Variants in CPNE3 observed in about 807,000 individuals in gnomAD.
CPNE3 encodes copine 3.
In CPNE3, 68 loss-of-function variants were observed where a neutral mutation model predicts 63.9. The ratio of observed to expected loss-of-function variants is 1.06; its 90% CI spans 0.87 to 1.30. The LOEUF (loss-of-function observed/expected upper bound fraction) is 1.30. Ranked by LOEUF, CPNE3 falls within the 50% of genes most tolerant of loss-of-function variation. CPNE3 has a pLI of 0.00. For synonymous variants in CPNE3, 219 were observed against 197.5 expected (o/e 1.11, Z -0.91); for missense variants, 665 against 578.1 (o/e 1.15, Z -1.54).
chr8:86,528,752 A>C, intron 3 of CPNE3, 75 bp downstream of exon 3: 1 of 1,498,486 alleles, frequency 6.7e-7, no homozygotes. Flanking sequence ...TTTAATGTTA[A>C]AAATAACAAC....
rs1821011870 is a variant in CPNE3, at chr8:86,544,773, C to A, written c.667C>A (p.His223Asn). The change falls in exon 9 of 17, where the codon CAT becomes AAT. Residue 223 changes from histidine to asparagine, a missense_variant. Coordinates refer to ENST00000517490, the MANE Select transcript of CPNE3 (RefSeq NM_003909.5). ...TTATGATTATGACAATGATGGGTCA[C>A]ATGATCTCATTGGAACATTTCAGAC... ...ECYDYDNDGS[H>N]DLIGTFQTTM... 1 of 1,573,562 alleles carries A rather than the reference C, an allele frequency of 6.4e-7. No homozygotes were observed. The highest frequency in any genetic ancestry group is 1.7e-4 in the Middle Eastern group (1 of 5,912).
chr8:86,551,310 G>T (rs1821173235), intron 14 of CPNE3, 76 bp downstream of exon 14: 5 of 1,054,134 alleles, frequency 4.7e-6, no homozygotes, highest in South Asian at 1.4e-5. Context: ...TTTGTTCTTT[G>T]TTTTTTTTCT....
Position 86,559,724 on chromosome 8 carries a change from T to A in CPNE3, c.*1314T>A, listed in dbSNP as rs1413683711. ...GTGAACATTACATTTTCAGAATAGA[T>A]CCTAATATTTTATTGAGGGCCTATG... On this transcript the variant is annotated 3_prime_UTR_variant, in exon 17 of 17. Coordinates refer to ENST00000517490, the MANE Select transcript of CPNE3 (RefSeq NM_003909.5). 2 of 152,176 alleles carry A rather than the reference T, an allele frequency of 1.3e-5. No homozygotes were observed. Among genetic ancestry groups the A allele is most frequent in the African/African-American group, 4.8e-5 (2 of 41,438 alleles). The allele number at this position is 152,176 out of a possible 1,614,324, so 9.4% of individuals were successfully genotyped here.
At chr8:86,556,419 G>A in intron 16 of CPNE3, 81 bp downstream of exon 16, 15 of 816,132 alleles carry the variant, frequency 1.8e-5, no homozygotes, top group Non-Finnish European at 3.1e-5. Flanking sequence ...CAGTTGATTA[G>A]GTGTGCAGGG....
intron 2 of CPNE3, among the ~76,000 whole-genome samples, chr8:86,526,511 GTTTGT>G (rs1820544996): frequency 6.7e-6 from 1 of 148,276 alleles, no homozygotes; most frequent in Non-Finnish European, 1.5e-5. Flanking sequence ...TTTTTTGTTT[GTTTGT>G]TTTGTTTTTT....
chr8:86,535,104 G>T (rs1239096661), intron 6 of CPNE3, among the ~76,000 whole-genome samples: 1 of 152,088 alleles, frequency 6.6e-6, no homozygotes, highest in Non-Finnish European at 1.5e-5. Context: ...GAGCTTCAAA[G>T]AACTTCTTTT....
intron 2 of CPNE3, among the ~76,000 whole-genome samples, chr8:86,527,803 A>T (rs1820571795): frequency 6.6e-6 from 1 of 151,990 alleles, no homozygotes; most frequent in Non-Finnish European, 1.5e-5. Flanking sequence ...AAAATATCCC[A>T]CTCAGTGTCT....
intron 2 of CPNE3, among the ~76,000 whole-genome samples, chr8:86,528,124 ATT>A (rs1216415083): frequency 2.0e-5 from 3 of 151,074 alleles, no homozygotes; most frequent in African/African-American, 7.3e-5. Flanking sequence ...AATTTTTTTT[ATT>A]TTTAGTAGAG....
chr8:86,529,141 A>T lies in CPNE3; in HGVS notation c.312+17A>T. 1 of 1,588,342 alleles carries T rather than the reference A, an allele frequency of 6.3e-7. No homozygotes were observed. The highest frequency in any genetic ancestry group is 8.6e-7 in the Non-Finnish European group (1 of 1,164,130). ...CTTGGACAAGTAAGTATAAATAGCC[A>T]CTGTACTCTATTTTGTCTAAATTTT... On this transcript the variant is annotated intron_variant, in intron 4 of 16. Transcript: ENST00000517490.
In CPNE3 at chr8:86,547,573, A is replaced by G. The variant is rs117252955; in HGVS notation, c.820-138A>G. On this transcript the variant is annotated intron_variant, in intron 10 of 16. Transcript: ENST00000517490. Reference sequence around the variant, plus strand: ...GCACATAGGGGAAGGGGTATCTTAAACCTGAATGCAGGGGTAATTTCCATG... The same window carrying G: ...GCACATAGGGGAAGGGGTATCTTAAGCCTGAATGCAGGGGTAATTTCCATG... 4,928 of 614,338 alleles carry G rather than the reference A, an allele frequency of 8.0e-3. 34 individuals carry two copies. The highest frequency in any genetic ancestry group is 0.012 in the Non-Finnish European group (4,005 of 347,460). The allele number at this position is 614,338 out of a possible 1,614,324, so 38.1% of individuals were successfully genotyped here.
At chr8:86,555,011 G>T (rs1334241300) in intron 15 of CPNE3, 27 bp downstream of exon 15, 1 of 1,613,140 alleles carries the variant, frequency 6.2e-7, no homozygotes, top group South Asian at 1.1e-5. Context: ...CAGGGAATGG[G>T]AAGAATGTGG....
chr8:86,521,040 G>T (rs1012664490), intron 2 of CPNE3, among the ~76,000 whole-genome samples: 3 of 151,826 alleles, frequency 2.0e-5, no homozygotes, highest in African/African-American at 7.3e-5. Context: ...AATACATCTG[G>T]GCATCACTTT....
intron 15 of CPNE3, 71 bp downstream of exon 15, chr8:86,555,055 T>G: frequency 6.3e-7 from 1 of 1,596,540 alleles, no homozygotes; most frequent in South Asian, 1.1e-5. Context: ...TTTTTCTATG[T>G]TTTTGGTTTG....
At chr8:86,524,889 T>G (rs1210237188) in intron 2 of CPNE3, 1 of 150,828 alleles carries the variant, frequency 6.6e-6, no homozygotes, top group Non-Finnish European at 1.5e-5. Context: ...GGAGTCTTGC[T>G]CTGTCGCCCA....
intron 5 of CPNE3, 71 bp from the exon 6 acceptor site, chr8:86,532,437 AT>A: frequency 1.8e-6 from 2 of 1,098,968 alleles, no homozygotes. Flanking sequence ...AGATAACAGA[AT>A]AAATCAGTGC....
intron 2 of CPNE3, among the ~76,000 whole-genome samples, chr8:86,526,503 TTTTG>T (rs151058031): frequency 0.13 from 19,506 of 151,676 alleles, 3,009 homozygotes; most frequent in African/African-American, 0.38. Flanking sequence ...GATACATATT[TTTTG>T]TTTGTTTGTT....
At chr8:86,552,489 A>C (rs1321464976) in intron 14 of CPNE3, among the ~76,000 whole-genome samples, 1 of 152,198 alleles carries the variant, frequency 6.6e-6, no homozygotes, top group East Asian at 1.9e-4. Flanking sequence ...ATTGTAAATG[A>C]ATATGGATGA....
chr8:86,538,972 AT>A (rs1820867221), intron 7 of CPNE3, among the ~76,000 whole-genome samples: 1 of 152,210 alleles, frequency 6.6e-6, no homozygotes, highest in African/African-American at 2.4e-5. Context: ...TTTAGCATCC[AT>A]TGGTGATCCT....
chr8:86,537,936 C>T (rs920374672), intron 7 of CPNE3, among the ~76,000 whole-genome samples: 1 of 151,622 alleles, frequency 6.6e-6, no homozygotes, highest in Non-Finnish European at 1.5e-5. Flanking sequence ...TACTTGTGCT[C>T]TCTGTCTTTC....
Sources: allele counts gnomAD v4.1 joint callset (sites outside exome capture counted in the v4.1 genomes callset), GRCh38; gene constraint gnomAD v4.1.1; transcripts MANE v1.5; gene names NCBI Gene and HGNC (gene_info 2026-07-23, HGNC 2026-07-21).